Variants in INIP observed in about 807,000 individuals in gnomAD.
The protein encoded by INIP is SOSS complex subunit C.
In INIP, 9 loss-of-function variants were observed where a neutral mutation model predicts 14.0. The observed-to-expected ratio is 0.64, with a 90% confidence interval of 0.39 to 1.12. The LOEUF is 1.12. Among genes scored for constraint, INIP ranks in the 50% most tolerant of loss-of-function variants. The pLI is 0.01. For missense variants in INIP, 78 were observed against 122.7 expected (o/e 0.64, Z 1.72); for synonymous variants, 37 against 41.5 (o/e 0.89, Z 0.41).
intron 2 of INIP, among the ~76,000 whole-genome samples, chr9:112,698,319 A>AAG (rs1411097101): frequency 6.6e-6 from 1 of 151,156 alleles, no homozygotes; most frequent in Non-Finnish European, 1.5e-5. Flanking sequence ...AAAAAAAAAA[A>AAG]AAAAAAAAAG....
intron 2 of INIP, among the ~76,000 whole-genome samples, chr9:112,705,981 G>A (rs1838453507): frequency 6.6e-6 from 1 of 152,158 alleles, no homozygotes; most frequent in African/African-American, 2.4e-5. Context: ...ACACCCTCTG[G>A]TGGTAAGAGA....
intron 2 of INIP, among the ~76,000 whole-genome samples, chr9:112,697,137 A>G (rs1354231453): frequency 1.3e-5 from 2 of 152,152 alleles, no homozygotes; most frequent in Admixed American, 1.3e-4. Context: ...AAGAGTCATC[A>G]CATTGAACAA....
intron 2 of INIP, among the ~76,000 whole-genome samples, chr9:112,696,577 TG>T (rs1838104094): frequency 6.6e-6 from 1 of 152,188 alleles, no homozygotes; most frequent in Non-Finnish European, 1.5e-5. Context: ...GGAGATAGTG[TG>T]GGGCCCCACA....
chr9:112,704,062 G>A (rs923046184), intron 2 of INIP, among the ~76,000 whole-genome samples: 1 of 152,082 alleles, frequency 6.6e-6, no homozygotes, highest in Non-Finnish European at 1.5e-5. Flanking sequence ...AAGTATAGCC[G>A]TATACTTTTT....
At chr9:112,713,546 A>G (rs1418401552) in intron 2 of INIP, among the ~76,000 whole-genome samples, 1 of 152,054 alleles carries the variant, frequency 6.6e-6, no homozygotes, top group African/African-American at 2.4e-5. Flanking sequence ...TAAAAACATT[A>G]GCCAGGCATG....
chr9:112,703,238 T>C (rs538774811), intron 2 of INIP, among the ~76,000 whole-genome samples: 1 of 152,272 alleles, frequency 6.6e-6, no homozygotes, highest in East Asian at 1.9e-4. Flanking sequence ...TGCAACCTTA[T>C]AATAAAGAAA....
intron 2 of INIP, among the ~76,000 whole-genome samples, chr9:112,700,365 C>T (rs2185768): frequency 0.17 from 25,169 of 151,624 alleles, 2,819 homozygotes; most frequent in African/African-American, 0.32. Flanking sequence ...CCATGAGGCC[C>T]CTGGGATTTT....
intron 4 of INIP, 32 bp downstream of exon 4, chr9:112,689,495 A>T (rs780075413): frequency 6.4e-7 from 1 of 1,570,142 alleles, no homozygotes; most frequent in South Asian, 1.1e-5. Flanking sequence ...GGAAACCTCC[A>T]CCGAGGCAAG....
At chr9:112,703,179 G>T (rs1415563217) in intron 2 of INIP, among the ~76,000 whole-genome samples, 2 of 152,134 alleles carry the variant, frequency 1.3e-5, no homozygotes, top group African/African-American at 4.8e-5. Context: ...ATGGCAGAGG[G>T]ATCTTCATAC....
At chr9:112,693,285 A>AGC (rs1379753407) in intron 3 of INIP, among the ~76,000 whole-genome samples, 2 of 152,142 alleles carry the variant, frequency 1.3e-5, no homozygotes, top group Non-Finnish European at 2.9e-5. Context: ...ACTGAGGAAA[A>AGC]GCTCTCTCTC....
In INIP at chr9:112,687,425, A is replaced by T. The variant is rs1303634791; in HGVS notation, c.*113T>A. 1 of 646,742 alleles carries T rather than the reference A, an allele frequency of 1.5e-6. No homozygotes were observed. Among genetic ancestry groups the T allele is most frequent in the African/African-American group, 1.8e-5 (1 of 55,474 alleles). 40.1% of individuals were successfully genotyped at this position (646,742 alleles called of 1,614,324 possible). ...ACACATTCCTTTCTTTCAGACAAAC[A>T]AAAAATATCAAAGTTCACCAAAATT... On this transcript the variant is annotated 3_prime_UTR_variant, in exon 5 of 5. Transcript: ENST00000374242.
chr9:112,693,848 G>A (rs1837979354), intron 3 of INIP, among the ~76,000 whole-genome samples: 1 of 152,230 alleles, frequency 6.6e-6, no homozygotes, highest in South Asian at 2.1e-4. Context: ...ACCAAGGCGG[G>A]TGGATCACCT....
Position 112,690,968 on chromosome 9 carries a change from T to C in INIP, c.129-1351A>G, listed in dbSNP as rs10981479. On this transcript the variant is annotated intron_variant, in intron 3 of 4. Coordinates refer to ENST00000374242, the MANE Select transcript of INIP (RefSeq NM_021218.3). The stretch of plus-strand genomic sequence containing the variant: ...CACTAATGATATTGTGGCCACTGAA[T>C]TAAGCTACTCTGGAACTACCTTATC... Among the ~76,000 whole-genome samples, 1,131 of 152,360 alleles carry C rather than the reference T, an allele frequency of 7.4e-3. 11 individuals are homozygous for C. The highest frequency in any genetic ancestry group is 0.02 in the African/African-American group (822 of 41,580).
intron 2 of INIP, among the ~76,000 whole-genome samples, chr9:112,707,074 C>G (rs1345545252): frequency 6.6e-6 from 1 of 151,918 alleles, no homozygotes; most frequent in African/African-American, 2.4e-5. Context: ...ATCATGCCAG[C>G]ATAATTACGC....
At chr9:112,713,870 G>C (rs1351539494) in intron 2 of INIP, among the ~76,000 whole-genome samples, 1 of 151,934 alleles carries the variant, frequency 6.6e-6, no homozygotes, top group African/African-American at 2.4e-5. Flanking sequence ...TGTAATCCCA[G>C]CTACTCAGGA....
Position 112,683,926 on chromosome 9 carries a change from T to A in INIP, c.*3612A>T, listed in dbSNP as rs531817821. ...TATAGATTGTTCAGGAAAACAAATA[T>A]GCCTTTGAAATCACTAAGTCATTTC... On this transcript the variant is annotated 3_prime_UTR_variant, in exon 5 of 5. Transcript: ENST00000374242. 6.6e-6 allele frequency: 1 copy of A among 151,980 alleles called. No individual in the cohort carries two copies. The highest frequency in any genetic ancestry group is 1.5e-5 in the Non-Finnish European group (1 of 68,000). 9.4% of individuals were successfully genotyped at this position (151,980 alleles called of 1,614,324 possible).
chr9:112,703,972 A>G (rs1020959541), intron 2 of INIP, among the ~76,000 whole-genome samples: 2 of 152,216 alleles, frequency 1.3e-5, no homozygotes, highest in African/African-American at 4.8e-5. Context: ...AGGGTATCCA[A>G]TGTCTTATTA....
chr9:112,707,370 T>C (rs929494040), intron 2 of INIP, among the ~76,000 whole-genome samples: 9 of 151,952 alleles, frequency 5.9e-5, no homozygotes, highest in African/African-American at 2.2e-4. Flanking sequence ...TTCTGTTGCC[T>C]GGTTTTTGTT....
chr9:112,715,028 G>A (rs1332290260), intron 2 of INIP, among the ~76,000 whole-genome samples: 1 of 151,828 alleles, frequency 6.6e-6, no homozygotes. Flanking sequence ...GTAAAAATAT[G>A]GTTTAGGGAA....
Sources: allele counts gnomAD v4.1 joint callset (sites outside exome capture counted in the v4.1 genomes callset), GRCh38; gene constraint gnomAD v4.1.1; transcripts MANE v1.5; gene names NCBI Gene and HGNC (gene_info 2026-07-23, HGNC 2026-07-21).